The following KIAA1217 variants were observed in gnomAD, a reference collection of about 807,000 sequenced individuals.
The protein encoded by KIAA1217 is KIAA1217.
KIAA1217 carries 88 observed loss-of-function variants against 163.9 expected under a neutral mutation model. The ratio of observed to expected loss-of-function variants is 0.54; its 90% CI spans 0.45 to 0.64. KIAA1217 has a LOEUF of 0.64. KIAA1217 is among the 30% of genes least tolerant of loss of function. KIAA1217 has a pLI of 0.00. For synonymous variants in KIAA1217, 903 were observed against 923.1 expected (o/e 0.98, Z 0.39); for missense variants, 2,372 against 2,475.0 (o/e 0.96, Z 0.88).
intron 1 of KIAA1217, among the ~76,000 whole-genome samples, chr10:23,777,954 C>CTTTTTTTTTTTTTTTT (rs1322813122): frequency 5.3e-5 from 8 of 151,628 alleles, no homozygotes; most frequent in African/African-American, 1.9e-4. Context: ...TTTTCTTTTT[C>CTTTTTTTTTTTTTTTT]TTTTTTGAGA....
At chr10:23,739,967 C>A (rs1839016504) in intron 1 of KIAA1217, among the ~76,000 whole-genome samples, 1 of 152,070 alleles carries the variant, frequency 6.6e-6, no homozygotes, top group African/African-American at 2.4e-5. Context: ...GCCTGGGAAC[C>A]AAAATTGAGT....
intron 1 of KIAA1217, among the ~76,000 whole-genome samples, chr10:23,773,982 A>T (rs1834906040): frequency 6.6e-6 from 1 of 152,146 alleles, no homozygotes; most frequent in South Asian, 2.1e-4. Flanking sequence ...CCTGGCCAGA[A>T]CTTCCAACAC....
chr10:24,055,336 C>CTATAATG (rs1419386948), intron 2 of KIAA1217, among the ~76,000 whole-genome samples: 1 of 152,100 alleles, frequency 6.6e-6, no homozygotes, highest in Non-Finnish European at 1.5e-5. Flanking sequence ...ATAATCTAGT[C>CTATAATG]TATAATGTCT....
intron 1 of KIAA1217, among the ~76,000 whole-genome samples, chr10:23,859,085 A>G (rs1027606094): frequency 6.6e-6 from 1 of 152,220 alleles, no homozygotes; most frequent in African/African-American, 2.4e-5. Flanking sequence ...AATATACTAT[A>G]ATTCCACATG....
At chr10:23,974,399 T>C (rs1170644560) in intron 1 of KIAA1217, among the ~76,000 whole-genome samples, 1 of 152,182 alleles carries the variant, frequency 6.6e-6, no homozygotes, top group Non-Finnish European at 1.5e-5. Context: ...CGGTGTGATA[T>C]TGGACAAATA....
At chr10:24,025,870 AC>A (rs1180499177) in intron 2 of KIAA1217, among the ~76,000 whole-genome samples, 1 of 151,840 alleles carries the variant, frequency 6.6e-6, no homozygotes, top group Non-Finnish European at 1.5e-5. Context: ...CCGTGACCTT[AC>A]TAAACTTACT....
intron 2 of KIAA1217, among the ~76,000 whole-genome samples, chr10:24,100,702 C>T (rs2062378349): frequency 6.6e-6 from 1 of 152,196 alleles, no homozygotes; most frequent in Admixed American, 6.5e-5. Flanking sequence ...AACTATTTTG[C>T]AAGGAAATCA....
intron 1 of KIAA1217, among the ~76,000 whole-genome samples, chr10:23,802,488 C>T (rs1039709912): frequency 6.6e-6 from 1 of 152,184 alleles, no homozygotes; most frequent in Non-Finnish European, 1.5e-5. Flanking sequence ...GCAAATTGTA[C>T]ACCCAGGTGT....
chr10:23,795,350 G>A (rs1836148279), intron 1 of KIAA1217, among the ~76,000 whole-genome samples: 2 of 152,168 alleles, frequency 1.3e-5, no homozygotes, highest in South Asian at 4.2e-4. Context: ...AATTGAACTT[G>A]GGTCCACTTG....
intron 1 of KIAA1217, among the ~76,000 whole-genome samples, chr10:23,939,243 A>G (rs1281962072): frequency 1.3e-5 from 2 of 152,222 alleles, no homozygotes; most frequent in African/African-American, 4.8e-5. Flanking sequence ...ATTTAAACCC[A>G]ACAATATATT....
At chr10:24,215,429 A>G (rs1301631439) in intron 1 of KIAA1217, among the ~76,000 whole-genome samples, 1 of 152,192 alleles carries the variant, frequency 6.6e-6, no homozygotes, top group African/African-American at 2.4e-5. Flanking sequence ...AAATGTTAAC[A>G]CCAAAGCGCA....
chr10:24,177,833 G>T (rs1261168089), intron 2 of KIAA1217, among the ~76,000 whole-genome samples: 1 of 152,124 alleles, frequency 6.6e-6, no homozygotes, highest in African/African-American at 2.4e-5. Context: ...AACAAAATCT[G>T]AGTGTTGTGT....
At chr10:24,453,128 C>G (rs2061510870) in intron 5 of KIAA1217, among the ~76,000 whole-genome samples, 1 of 152,174 alleles carries the variant, frequency 6.6e-6, no homozygotes, top group African/African-American at 2.4e-5. Flanking sequence ...AGGGCTGGAT[C>G]TCAAGTCACC....
chr10:24,173,705 A>G (rs10741047), intron 2 of KIAA1217, among the ~76,000 whole-genome samples: 109,569 of 152,120 alleles, frequency 0.72, 39,767 homozygotes, highest in Middle Eastern at 0.79. Flanking sequence ...ATTGTTCCTC[A>G]ATAATTCTAG....
intron 3 of KIAA1217, among the ~76,000 whole-genome samples, chr10:24,390,482 A>G (rs1243630862): frequency 7.9e-6 from 1 of 126,698 alleles, no homozygotes; most frequent in Non-Finnish European, 1.7e-5. Flanking sequence ...GGAGGGAAGG[A>G]AGGAAGGAAG....
intron 2 of KIAA1217, among the ~76,000 whole-genome samples, chr10:24,176,861 C>G (rs934870430): frequency 1.3e-5 from 2 of 151,822 alleles, no homozygotes; most frequent in Non-Finnish European, 2.9e-5. Context: ...AGGTCCCGAG[C>G]CCTGCCCCAC....
chr10:23,872,368 G>C (rs1274856985), intron 1 of KIAA1217, among the ~76,000 whole-genome samples: 1 of 152,018 alleles, frequency 6.6e-6, no homozygotes, highest in African/African-American at 2.4e-5. Flanking sequence ...TCAACTTTTA[G>C]GAGAACAAGT....
chr10:23,735,034 T>C (rs991278239), intron 1 of KIAA1217, among the ~76,000 whole-genome samples: 1 of 152,144 alleles, frequency 6.6e-6, no homozygotes, highest in Non-Finnish European at 1.5e-5. Context: ...TATTTGTTTC[T>C]TGTTGATAAA....
At chr10:23,710,431 A>G (rs759204612) in intron 1 of KIAA1217, among the ~76,000 whole-genome samples, 4 of 152,240 alleles carry the variant, frequency 2.6e-5, no homozygotes, top group Admixed American at 2.0e-4. Context: ...TCAGTTATGA[A>G]GGTCTTGAAG....
Sources: allele counts gnomAD v4.1 joint callset (sites outside exome capture counted in the v4.1 genomes callset), GRCh38; gene constraint gnomAD v4.1.1; transcripts MANE v1.5; gene names NCBI Gene and HGNC (gene_info 2026-07-23, HGNC 2026-07-21).